The following AKAP10 variants were observed in gnomAD, a reference collection of about 807,000 sequenced individuals.
AKAP10 encodes A-kinase anchoring protein 10, also known as A-kinase anchor protein 10, mitochondrial.
AKAP10 carries 24 observed loss-of-function variants against 80.8 expected under a neutral mutation model. That is an observed-to-expected ratio of 0.30 (90% CI 0.22 to 0.42). AKAP10 has a LOEUF of 0.42. AKAP10 is among the 10% of genes least tolerant of loss of function. AKAP10 has a pLI of 1.00. For missense variants in AKAP10, 661 were observed against 794.9 expected, an observed-to-expected ratio of 0.83 and a Z score of 2.03; for synonymous variants, 291 against 277.7, an observed-to-expected ratio of 1.05 and a Z score of -0.48.
intron 4 of AKAP10, among the ~76,000 whole-genome samples, chr17:19,951,168 C>CGTCTGGG (rs1272989111): frequency 2.1e-5 from 2 of 96,782 alleles, no homozygotes; most frequent in Non-Finnish European, 4.9e-5. Context: ...CCAGCCGCCC[C>CGTCTGGG]ATCTGGGAGG....
At chr17:19,963,604 T>C in intron 2 of AKAP10, among the ~76,000 whole-genome samples, 1 of 151,956 alleles carries the variant, frequency 6.6e-6, no homozygotes, top group East Asian at 1.9e-4. Context: ...CCTAGAAAAA[T>C]ATTCCTCAGG....
chr17:19,950,608 A>G (rs545885798), intron 4 of AKAP10, among the ~76,000 whole-genome samples: 4 of 152,344 alleles, frequency 2.6e-5, no homozygotes, highest in South Asian at 2.1e-4. Flanking sequence ...CGCTCACTCA[A>G]TGCTCAATGT....
At chr17:19,970,748 G>A (rs1396849940) in intron 1 of AKAP10, among the ~76,000 whole-genome samples, 2 of 152,024 alleles carry the variant, frequency 1.3e-5, no homozygotes, top group Non-Finnish European at 1.5e-5. Flanking sequence ...GCTTGAACCC[G>A]GGAGGCCGAG....
At chr17:19,963,343 G>T (rs1199963701) in intron 2 of AKAP10, among the ~76,000 whole-genome samples, 1 of 150,236 alleles carries the variant, frequency 6.7e-6, no homozygotes, top group Non-Finnish European at 1.5e-5. Context: ...AGCCTCCCAA[G>T]TAGCCAGGAT....
At chr17:19,951,063 C>T (rs2043199893) in intron 4 of AKAP10, among the ~76,000 whole-genome samples, 1 of 151,984 alleles carries the variant, frequency 6.6e-6, no homozygotes, top group African/African-American at 2.4e-5. Context: ...TGAGGAGCCC[C>T]TCCGCCCGGC....
At chr17:19,920,875 AAAAAAAAAAAG>A (rs1169445133) in intron 11 of AKAP10, among the ~76,000 whole-genome samples, 2 of 149,178 alleles carry the variant, frequency 1.3e-5, no homozygotes, top group African/African-American at 4.9e-5. Flanking sequence ...AAAAAAAAAA[AAAAAAAAAAAG>A]CAAAAAATAC....
intron 11 of AKAP10, among the ~76,000 whole-genome samples, chr17:19,923,982 T>C (rs902853803): frequency 2.0e-5 from 3 of 152,242 alleles, no homozygotes; most frequent in Non-Finnish European, 4.4e-5. Flanking sequence ...AAAGTGATTT[T>C]ATGATTGGAT....
At position 19,924,509 on chromosome 17, in the gene AKAP10, C is replaced by T. The variant is rs771720764; in HGVS notation, c.1650G>A (p.Val550=). The change falls in exon 11 of 15, where the codon GTG becomes GTA. Residue 550 remains valine (V), a synonymous_variant. Transcript: ENST00000225737. ...TCAGTATTTTAATACTGGCTTTTTT[C>T]ACACTGGACTACAATAGAAATTGTA... ...SSDSSASQSS[V]KKASIKILKN... is the part of the protein sequence containing the mutation. The T allele has an allele frequency of 2.5e-6, 4 of 1,594,492 alleles. No individual in the cohort carries two copies. Among genetic ancestry groups the T allele is most frequent in the Non-Finnish European group, 3.4e-6 (4 of 1,166,006 alleles).
intron 12 of AKAP10, among the ~76,000 whole-genome samples, chr17:19,919,579 G>C (rs1247352000): frequency 6.6e-6 from 1 of 151,856 alleles, no homozygotes; most frequent in Non-Finnish European, 1.5e-5. Flanking sequence ...AGCTACTCAG[G>C]AGGATGAGGC....
At chr17:19,915,498 T>C (rs375582067) in intron 12 of AKAP10, among the ~76,000 whole-genome samples, 15 of 152,166 alleles carry the variant, frequency 9.9e-5, no homozygotes, top group African/African-American at 3.6e-4. Flanking sequence ...GTGAATAAAT[T>C]CAATCTCTAG....
chr17:19,964,273 G>A (rs984331280), intron 2 of AKAP10, among the ~76,000 whole-genome samples: 3 of 151,972 alleles, frequency 2.0e-5, no homozygotes, highest in South Asian at 2.1e-4. Flanking sequence ...GGCTTTCCCC[G>A]GTCCCTCTTA....
chr17:19,931,952 G>C lies in AKAP10; in HGVS notation c.1494C>G (p.Ser498Arg). The change falls in exon 10 of 15, where the codon AGC (serine) becomes AGG (arginine). Residue 498 changes from serine to arginine, a missense_variant. Transcript: ENST00000225737. ...EKVFLPGFLS[S>R]NLYYKYLNDL... ...CATTCAAATATTTATAATAAAGATT[G>C]CTGGACAAAAAGCCAGGCAAAAAGA... 6.2e-7 allele frequency: 1 copy of C among 1,613,124 alleles called. No homozygotes were observed. Among genetic ancestry groups the C allele is most frequent in the Non-Finnish European group, 8.5e-7 (1 of 1,179,722 alleles).
intron 3 of AKAP10, among the ~76,000 whole-genome samples, chr17:19,959,465 T>C (rs1200172649): frequency 6.6e-6 from 1 of 152,198 alleles, no homozygotes; most frequent in Non-Finnish European, 1.5e-5. Flanking sequence ...ATTCCACTTG[T>C]AGGCACTTAT....
At chr17:19,915,560 AAAG>A (rs1179994922) in intron 12 of AKAP10, among the ~76,000 whole-genome samples, 1 of 152,244 alleles carries the variant, frequency 6.6e-6, no homozygotes, top group Non-Finnish European at 1.5e-5. Flanking sequence ...TGGACAACTA[AAAG>A]AAGAACCAGG....
intron 9 of AKAP10, among the ~76,000 whole-genome samples, chr17:19,934,505 G>A (rs961201348): frequency 5.3e-5 from 8 of 152,006 alleles, no homozygotes; most frequent in African/African-American, 1.9e-4. Flanking sequence ...ATGCCACTAC[G>A]CCCAGCTAAT....
chr17:19,927,244 G>A (rs558103978), intron 10 of AKAP10, among the ~76,000 whole-genome samples: 1 of 152,056 alleles, frequency 6.6e-6, no homozygotes, highest in African/African-American at 2.4e-5. Context: ...TGAAGTAAGA[G>A]GATCACTTCG....
intron 4 of AKAP10, 77 bp from the exon 5 acceptor site, chr17:19,947,582 G>A: frequency 2.1e-6 from 2 of 970,494 alleles, no homozygotes; most frequent in Non-Finnish European, 3.3e-6. Context: ...ATGAATAGCA[G>A]GGCTTAGATC....
At chr17:19,909,650 A>G (rs1259792195) in intron 13 of AKAP10, among the ~76,000 whole-genome samples, 1 of 152,220 alleles carries the variant, frequency 6.6e-6, no homozygotes, top group Non-Finnish European at 1.5e-5. Context: ...TGATCTACAC[A>G]CTGATTACTG....
intron 5 of AKAP10, among the ~76,000 whole-genome samples, chr17:19,945,388 A>G (rs1480384705): frequency 1.3e-5 from 2 of 152,248 alleles, no homozygotes; most frequent in Non-Finnish European, 2.9e-5. Context: ...CTAATCAGTC[A>G]GAACATCCCT....
Sources: allele counts gnomAD v4.1 joint callset (sites outside exome capture counted in the v4.1 genomes callset), GRCh38; gene constraint gnomAD v4.1.1; transcripts MANE v1.5; gene names NCBI Gene and HGNC (gene_info 2026-07-23, HGNC 2026-07-21).